The following HERPUD1 variants were observed in gnomAD, a reference collection of about 807,000 sequenced individuals.
HERPUD1 encodes the protein homocysteine-responsive endoplasmic reticulum-resident ubiquitin-like domain member 1 protein.
Under a neutral mutation model 45.0 loss-of-function variants are expected in HERPUD1, and 17 were observed. The ratio of observed to expected loss-of-function variants is 0.38; its 90% CI spans 0.26 to 0.57. HERPUD1 has a LOEUF of 0.57. Among genes scored for constraint, HERPUD1 ranks in the 20% least tolerant of loss-of-function variants. HERPUD1 has a pLI of 0.72. For synonymous variants in HERPUD1, 164 were observed against 177.5 expected (o/e 0.92, Z 0.61); for missense variants, 420 against 490.5 (o/e 0.86, Z 1.36).
At chr16:56,936,622 C>A in intron 3 of HERPUD1, 65 bp from the exon 4 acceptor site, 1 of 1,436,758 alleles carries the variant, frequency 7.0e-7, no homozygotes, top group South Asian at 1.7e-5. Context: ...AAAATAATTC[C>A]TTTTGCTTGA....
At chr16:56,935,712 T>C in intron 3 of HERPUD1, 1 of 536,236 alleles carries the variant, frequency 1.9e-6, no homozygotes, top group African/African-American at 1.9e-5. Flanking sequence ...TGCACTATCT[T>C]ATGGGATATG....
At position 56,935,424 on chromosome 16, in the gene HERPUD1, TC is replaced by T; in HGVS notation, c.250del (p.Leu84TrpfsTer5). 1.2e-6 allele frequency: 2 copies of T among 1,614,226 alleles called. No homozygotes were observed. Among genetic ancestry groups the T allele is most frequent in the Non-Finnish European group, 1.7e-6 (2 of 1,180,034 alleles). ...AGCAGGAAAAACGGCATGTTTTGCA[TC>T]TGGTGTGCAATGTGAAGAGTCCTTC... ...PKQEKRHVLH[L>X]VCNVKSPSKM... On this transcript the variant is annotated frameshift_variant, in exon 3 of 8. Coordinates refer to ENST00000439977, the MANE Select transcript of HERPUD1 (RefSeq NM_014685.4). LOFTEE classifies it high-confidence loss of function.
chr16:56,932,146 C>T lies in HERPUD1; in HGVS notation c.-99C>T, dbSNP rs747328425. ...GCGCCCGAAGCGGGGGCGCGCGCCC[C>T]AGAGACGTGAACTGTCGTTGCAGAG... On this transcript the variant is annotated 5_prime_UTR_variant, in exon 1 of 8. Coordinates refer to ENST00000439977, the MANE Select transcript of HERPUD1 (RefSeq NM_014685.4). The T allele has an allele frequency of 1.6e-5, 25 of 1,543,178 alleles. No individual in the cohort carries two copies. The highest frequency in any genetic ancestry group is 6.8e-5 in the African/African-American group (5 of 73,250).
intron 5 of HERPUD1, 50 bp downstream of exon 5, chr16:56,939,409 A>G (rs2144823061): frequency 1.2e-6 from 2 of 1,610,502 alleles, no homozygotes; most frequent in Non-Finnish European, 1.7e-6. Context: ...CGGGAATTGA[A>G]GGGAATTTTA....
rs140790863 is a variant in HERPUD1, at chr16:56,936,741, G to A, written c.355G>A (p.Asp119Asn). 2 of 1,613,938 alleles carry A rather than the reference G, an allele frequency of 1.2e-6. No homozygotes were observed. Among genetic ancestry groups the A allele is most frequent in the Non-Finnish European group, 1.7e-6 (2 of 1,179,978 alleles). The change falls in exon 4 of 8, where the codon GAT (aspartate) becomes AAT (asparagine). Residue 119 changes from aspartate (D) to asparagine (N), a missense_variant. Coordinates refer to ENST00000439977, the MANE Select transcript of HERPUD1 (RefSeq NM_014685.4). ...TTCTAATCGGGGACAGTATCCTGAG[G>A]ATTCCTCAAGTGATGGTTTAAGGCA... is the stretch of plus-strand genomic sequence containing the variant. ...AGSNRGQYPE[D>N]SSSDGLRQRE...
rs2055890874 is a variant in HERPUD1 at position 56,939,312 on chromosome 16, G to C, written c.507G>C (p.Gln169His). The C allele has an allele frequency of 5.0e-6, 8 of 1,614,238 alleles. No homozygotes were observed. The highest frequency in any genetic ancestry group is 6.8e-6 in the Non-Finnish European group (8 of 1,180,046). Residue 169 changes from glutamine (Q) to histidine (H), a missense_variant, in exon 5 of 8, where the codon CAG becomes CAC. Transcript: ENST00000439977. ...FSGYTPYGWLQLSWFQQIYAR... is the reference protein window; with the variant it reads ...FSGYTPYGWLHLSWFQQIYAR... ...GTTACACACCCTATGGGTGGCTTCA[G>C]CTTTCCTGGTTCCAGCAGATATATG... is the stretch of plus-strand genomic sequence containing the variant.
Position 56,939,137 on chromosome 16 carries a change from T to C in HERPUD1, c.432-100T>C, listed in dbSNP as rs2270835. On this transcript the variant is annotated intron_variant, in intron 4 of 7. Coordinates refer to ENST00000439977, the MANE Select transcript of HERPUD1 (RefSeq NM_014685.4). ...GTAACTGCCGTAAATTCCATTCTTC[T>C]GTCTCTTCGATTTGAATTCTTGATT... The C allele has an allele frequency of 0.022, 29,621 of 1,339,878 alleles. 3,340 individuals are homozygous for C. The African/African-American group carries it at 0.31, about 14-fold the overall frequency. 83.0% of individuals were successfully genotyped at this position (1,339,878 alleles called of 1,614,324 possible).
chr16:56,939,406 T>C lies in HERPUD1; in HGVS notation c.554+47T>C, dbSNP rs775791048. 2.5e-6 allele frequency: 4 copies of C among 1,610,846 alleles called. No individual in the cohort carries two copies. The East Asian group carries it at 6.7e-5, about 27-fold the overall frequency. On this transcript the variant is annotated intron_variant, in intron 5 of 7. Coordinates refer to ENST00000439977, the MANE Select transcript of HERPUD1 (RefSeq NM_014685.4). ...GGGTGTGGCCAGGGCTCCCGGGAAT[T>C]GAAGGGAATTTTATCCATGTTACCT... is the stretch of plus-strand genomic sequence containing the variant.
intron 1 of HERPUD1, among the ~76,000 whole-genome samples, chr16:56,933,957 G>A (rs776622334): frequency 1.3e-5 from 2 of 152,174 alleles, no homozygotes; most frequent in Non-Finnish European, 2.9e-5. Flanking sequence ...GTTCTCATCC[G>A]TCAGAAAAAC....
intron 7 of HERPUD1, among the ~76,000 whole-genome samples, 188 bp downstream of exon 7, chr16:56,942,425 A>G (rs1301138340): frequency 1.3e-5 from 2 of 152,204 alleles, no homozygotes; most frequent in African/African-American, 2.4e-5. Context: ...ATTCTATCAC[A>G]TATTTTTGAC....
chr16:56,944,850 C>T lies in HERPUD1; in HGVS notation c.*1560C>T, dbSNP rs1251866151. On this transcript the variant is annotated 3_prime_UTR_variant, in exon 8 of 8. Coordinates refer to ENST00000439977, the MANE Select transcript of HERPUD1 (RefSeq NM_014685.4). ...AGGTGTTCTATTTGGCAAAATAAATCAGCCTTTTCTATCATGATTGTGGTC... is the reference window on the plus strand; with the variant it reads ...AGGTGTTCTATTTGGCAAAATAAATTAGCCTTTTCTATCATGATTGTGGTC... The T allele has an allele frequency of 8.5e-5, 13 of 152,138 alleles. No homozygotes were observed. Among genetic ancestry groups the T allele is most frequent in the Admixed American group, 2.0e-4 (3 of 15,264 alleles). 9.4% of individuals were successfully genotyped at this position (152,138 alleles called of 1,614,324 possible).
Position 56,943,803 on chromosome 16 carries a change from T to C in HERPUD1, c.*513T>C, listed in dbSNP as rs1349321742. The C allele has an allele frequency of 9.1e-6, 2 of 220,518 alleles. No individual in the cohort carries two copies. The highest frequency in any genetic ancestry group is 1.9e-5 in the Non-Finnish European group (2 of 107,152). The allele number at this position is 220,518 out of a possible 1,614,324, so 13.7% of individuals were successfully genotyped here. On this transcript the variant is annotated 3_prime_UTR_variant, in exon 8 of 8. Coordinates refer to ENST00000439977, the MANE Select transcript of HERPUD1 (RefSeq NM_014685.4). ...CTTTTTAAAATGCAGTGCTTTACTTTAAACTAAGGGGAACTTTGCGGAGGT... is the reference window on the plus strand; with the variant it reads ...CTTTTTAAAATGCAGTGCTTTACTTCAAACTAAGGGGAACTTTGCGGAGGT...
Position 56,936,938 on chromosome 16 carries a change from T to G in HERPUD1, c.431+121T>G. 4.6e-6 allele frequency: 5 copies of G among 1,095,500 alleles called. No homozygotes were observed. In the South Asian group the frequency reaches 9.8e-5, roughly 21 times the overall value. The allele number at this position is 1,095,500 out of a possible 1,614,324, so 67.9% of individuals were successfully genotyped here. ...AACTTTTAAACATACAGAATTTTGCTTTATAAATAGCTTCGCTTTAAAGAT... is the reference window on the plus strand; with the variant it reads ...AACTTTTAAACATACAGAATTTTGCGTTATAAATAGCTTCGCTTTAAAGAT... On this transcript the variant is annotated intron_variant, in intron 4 of 7. Coordinates refer to ENST00000439977, the MANE Select transcript of HERPUD1 (RefSeq NM_014685.4).
At chr16:56,932,858 C>A (rs1481571332) in intron 1 of HERPUD1, among the ~76,000 whole-genome samples, 3 of 152,200 alleles carry the variant, frequency 2.0e-5, no homozygotes, top group Non-Finnish European at 4.4e-5. Context: ...GGACGTGGCT[C>A]TTCTCCTCCC....
chr16:56,942,716 G>A (rs538381512), intron 7 of HERPUD1, among the ~76,000 whole-genome samples: 33 of 152,118 alleles, frequency 2.2e-4, no homozygotes, highest in African/African-American at 7.5e-4. Flanking sequence ...TTAGTTGGGC[G>A]TGCCTGTATT....
Position 56,942,143 on chromosome 16 carries a change from G to T in HERPUD1, c.917G>T (p.Gly306Val). Residue 306 changes from glycine (G) to valine (V), a missense_variant, in exon 7 of 8, where the codon GGG becomes GTG. Transcript: ENST00000439977. Reference protein sequence around the residue: ...ATVVMYLHHVGWFPFRPRPVQ... With the variant: ...ATVVMYLHHVVWFPFRPRPVQ... The stretch of plus-strand genomic sequence containing the variant: ...TGCTTCCTTTGAAGGCATCACGTTG[G>T]GTGGTTTCCATTTAGACCGAGGCCG... The T allele has an allele frequency of 2.5e-6, 4 of 1,613,772 alleles. No individual in the cohort carries two copies. The highest frequency in any genetic ancestry group is 3.4e-6 in the Non-Finnish European group (4 of 1,179,710).
chr16:56,934,669 G>C (rs975184771), intron 1 of HERPUD1, among the ~76,000 whole-genome samples: 3 of 146,342 alleles, frequency 2.0e-5, no homozygotes, highest in African/African-American at 7.6e-5. Context: ...GTTTACCTGG[G>C]AGTTAAGTTT....
At chr16:56,940,603 C>T (rs1178699940) in intron 6 of HERPUD1, among the ~76,000 whole-genome samples, 1 of 152,022 alleles carries the variant, frequency 6.6e-6, no homozygotes, top group Admixed American at 6.5e-5. Context: ...ACCACTGCGC[C>T]TGGCCAGATT....
Position 56,932,299 on chromosome 16 carries a change from C to A in HERPUD1, c.55C>A (p.Gln19Lys), listed in dbSNP as rs2055831534. 6.2e-6 allele frequency: 10 copies of A among 1,608,794 alleles called. No homozygotes were observed. The highest frequency in any genetic ancestry group is 8.5e-6 in the Non-Finnish European group (10 of 1,179,272). ...PVTLLVKSPN[Q>K]RHRDLELSGD... is the part of the protein sequence containing the mutation. ...CACGCTCCTGGTGAAGAGCCCCAACCAGCGCCACCGCGACTTGGAGCTGAG... is the reference window on the plus strand; with the variant it reads ...CACGCTCCTGGTGAAGAGCCCCAACAAGCGCCACCGCGACTTGGAGCTGAG... Residue 19 changes from glutamine (Q) to lysine (K), a missense_variant, in exon 1 of 8, where the codon CAG becomes AAG. Transcript: ENST00000439977.
Sources: gnomAD v4.1 joint callset for allele counts (sites outside exome capture counted in the v4.1 genomes callset) on GRCh38, gnomAD v4.1.1 for gene constraint, MANE v1.5 for transcripts, NCBI Gene and HGNC (gene_info 2026-07-23, HGNC 2026-07-21) for gene names.